Variants in ABHD2 observed in about 807,000 individuals in gnomAD.
The protein encoded by ABHD2 is monoacylglycerol lipase ABHD2.
Under a neutral mutation model 48.1 loss-of-function variants are expected in ABHD2, and 20 were observed. The observed-to-expected ratio is 0.42, with a 90% CI of 0.29 to 0.60. The LOEUF (loss-of-function observed/expected upper bound fraction) is 0.60. Ranked by LOEUF, ABHD2 falls within the 20% of genes least tolerant of loss-of-function variation. The pLI is 0.24. For missense variants in ABHD2, 405 were observed against 550.9 expected (o/e 0.74, Z 2.65); for synonymous variants, 209 against 214.2 (o/e 0.98, Z 0.21).
the ABHD2 span, among the ~76,000 whole-genome samples, chr15:89,081,804 T>C: frequency 6.6e-6 from 1 of 152,280 alleles, no homozygotes; most frequent in South Asian, 2.1e-4. Context: ...TGAGCCAAGG[T>C]CGTGCCACTG....
At position 89,173,232 on chromosome 15, in the gene ABHD2, C is replaced by A. The variant is rs2050957884; in HGVS notation, c.539-2580C>A. Reference sequence around the variant, plus strand: ...TTATATCACAGCTACATTTTGAAATCCAGCATTCCCTGGAGGCATAATATT... The same window carrying A: ...TTATATCACAGCTACATTTTGAAATACAGCATTCCCTGGAGGCATAATATT... On this transcript the variant is annotated intron_variant, in intron 5 of 10. Transcript: ENST00000352732. The surrounding 1 kb of genome is among the most constrained non-coding windows in gnomAD (Gnocchi z 6.5). Among the ~76,000 whole-genome samples the A allele has an allele frequency of 6.6e-6, 1 of 152,208 alleles. No individual in the cohort carries two copies. The highest frequency in any genetic ancestry group is 2.4e-5 in the African/African-American group (1 of 41,446).
chr15:89,087,895 C>T (rs886328102), upstream of ABHD2: 3 of 152,220 alleles, frequency 2.0e-5, no homozygotes, highest in African/African-American at 7.2e-5. The surrounding 1 kb of genome is among the most constrained non-coding windows in gnomAD (Gnocchi z 5.5). Context: ...TTCGGTGACT[C>T]ACGACCCTTC....
chr15:89,064,930 C>A, the ABHD2 span, among the ~76,000 whole-genome samples: 1 of 151,974 alleles, frequency 6.6e-6, no homozygotes, highest in African/African-American at 2.4e-5. Flanking sequence ...CAGGCCCTGC[C>A]CCATCTCATT....
At chr15:89,084,943 T>G (rs73467721), upstream of ABHD2, among the ~76,000 whole-genome samples, 8,031 of 152,130 alleles carry the variant, frequency 0.053, 456 homozygotes, top group African/African-American at 0.14. The surrounding 1 kb of genome is among the most constrained non-coding windows in gnomAD (Gnocchi z 4.4). Flanking sequence ...CAGGATCCAA[T>G]CCCCAGCAGT....
the ABHD2 span, among the ~76,000 whole-genome samples, chr15:89,046,812 C>T: frequency 3.3e-5 from 5 of 152,006 alleles, no homozygotes; most frequent in East Asian, 5.8e-4. Context: ...GTCTTGCTAG[C>T]GGTTTATCAA....
rs372914544 is a variant in ABHD2 at position 89,189,099 on chromosome 15, G to T, written c.926+796G>T. Among the ~76,000 whole-genome samples the T allele has an allele frequency of 2.4e-4, 37 of 152,140 alleles. No individual in the cohort carries two copies. Among genetic ancestry groups the T allele is most frequent in the African/African-American group, 7.7e-4 (32 of 41,430 alleles). On this transcript the variant is annotated intron_variant, in intron 8 of 10. Coordinates refer to ENST00000352732, the MANE Select transcript of ABHD2 (RefSeq NM_152924.5). The surrounding 1 kb of genome is among the most constrained non-coding windows in gnomAD (Gnocchi z 4.9). ...GACAGTGGCCTCTTTCCTGGTTCCA[G>T]TAGTTTCTGATTGAGGTTAGCCTCA...
chr15:89,115,839 G>A (rs919677101), intron 2 of ABHD2, among the ~76,000 whole-genome samples: 2 of 152,104 alleles, frequency 1.3e-5, no homozygotes, highest in African/African-American at 2.4e-5. Context: ...AGTCCTTTCC[G>A]GGTTTCTGTT....
chr15:89,183,363 C>T (rs867194579), intron 6 of ABHD2: 1 of 59,000 alleles, frequency 1.7e-5, no homozygotes, highest in African/African-American at 5.1e-5. Context: ...GACATCAGTC[C>T]TTTTCAAAAA....
At chr15:89,076,353 T>C in the ABHD2 span, among the ~76,000 whole-genome samples, 1 of 152,240 alleles carries the variant, frequency 6.6e-6, no homozygotes, top group East Asian at 1.9e-4. Flanking sequence ...CCAGACATTC[T>C]TTCATCCATC....
intron 8 of ABHD2, among the ~76,000 whole-genome samples, chr15:89,190,791 TCA>T (rs1383180290): frequency 2.0e-5 from 3 of 152,186 alleles, no homozygotes; most frequent in Non-Finnish European, 4.4e-5. Context: ...TTGCCCAAGG[TCA>T]CATAGCCAGT....
chr15:89,192,186 G>A (rs1420126005), intron 9 of ABHD2, among the ~76,000 whole-genome samples: 1 of 152,152 alleles, frequency 6.6e-6, no homozygotes, highest in East Asian at 1.9e-4. Context: ...GCAGATCACT[G>A]GAAACTGTAG....
At chr15:89,162,541 C>A (rs1032711359) in intron 5 of ABHD2, among the ~76,000 whole-genome samples, 3 of 152,086 alleles carry the variant, frequency 2.0e-5, no homozygotes, top group African/African-American at 7.2e-5. Context: ...AGGCACTGAA[C>A]TCCAGTGCCT....
the ABHD2 span, among the ~76,000 whole-genome samples, chr15:89,056,381 G>T: frequency 1.3e-5 from 2 of 152,312 alleles, no homozygotes; most frequent in East Asian, 1.9e-4. Flanking sequence ...CCATGCCCCA[G>T]TGCAGGATTG....
At chr15:89,046,196 C>T in the ABHD2 span, among the ~76,000 whole-genome samples, 6 of 152,134 alleles carry the variant, frequency 3.9e-5, no homozygotes, top group East Asian at 1.9e-4. Flanking sequence ...TGCTGGATTA[C>T]GTTTATTGAT....
At chr15:89,075,757 G>A in the ABHD2 span, among the ~76,000 whole-genome samples, 1 of 152,188 alleles carries the variant, frequency 6.6e-6, no homozygotes. This position sits in a 1 kb window ranked among gnomAD's most constrained non-coding sequence, Gnocchi z 4.1. Context: ...GAGGGTATGG[G>A]GAAGAAGAGC....
rs201682979 is a variant in ABHD2 at position 89,115,443 on chromosome 15, G to A, written c.-6-879G>A. Among the ~76,000 whole-genome samples, 3 of 143,938 alleles carry A rather than the reference G, an allele frequency of 2.1e-5. No homozygotes were observed. In the East Asian group the frequency reaches 6.6e-4, roughly 32 times the overall value. The allele number at this position is 143,938 out of a possible 152,430, so 94.4% of individuals were successfully genotyped here. Reference sequence around the variant, plus strand: ...GTGTGTGTGTGTGTTTTGTATATAAGGTAAAGTTACTTCAAAAGAGAAATA... The same window carrying A: ...GTGTGTGTGTGTGTTTTGTATATAAAGTAAAGTTACTTCAAAAGAGAAATA... On this transcript the variant is annotated intron_variant, in intron 2 of 10. Coordinates refer to ENST00000352732, the MANE Select transcript of ABHD2 (RefSeq NM_152924.5).
At chr15:89,051,993 T>G in the ABHD2 span, among the ~76,000 whole-genome samples, 2 of 152,208 alleles carry the variant, frequency 1.3e-5, no homozygotes, top group Non-Finnish European at 2.9e-5. Context: ...TGGCAGTCAC[T>G]AACTTCCAGA....
Position 89,186,061 on chromosome 15 carries a change from T to TACC in ABHD2, c.815+545_815+546insACC. 6.6e-6 allele frequency among the ~76,000 whole-genome samples: 1 copy of TACC among 152,314 alleles called. No homozygotes were observed. The highest frequency in any genetic ancestry group is 1.9e-4 in the East Asian group (1 of 5,180). On this transcript the variant is annotated intron_variant, in intron 7 of 10. Transcript: ENST00000352732. This position sits in a 1 kb window ranked among gnomAD's most constrained non-coding sequence, Gnocchi z 4.3. ...AGTAAATCTAAGACAATGAACCACT[T>TACC]CCACACCCTTTTCTCCCAAATTAGA...
At chr15:89,127,222 C>T (rs1384311682) in intron 3 of ABHD2, among the ~76,000 whole-genome samples, 1 of 152,154 alleles carries the variant, frequency 6.6e-6, no homozygotes, top group Non-Finnish European at 1.5e-5. Context: ...CCTAACTCTA[C>T]CTGCTGTCAG....
Sources: gnomAD v4.1 joint callset for allele counts (sites outside exome capture counted in the v4.1 genomes callset) on GRCh38, gnomAD v4.1.1 for gene constraint, Gnocchi (gnomAD v3.1) non-coding constraint, MANE v1.5 for transcripts, NCBI Gene and HGNC (gene_info 2026-07-23, HGNC 2026-07-21) for gene names.